The following MTA3 variants were observed in gnomAD, a reference collection of about 807,000 sequenced individuals.
The protein encoded by MTA3 is metastasis-associated protein MTA3.
A neutral mutation model predicts 83.5 loss-of-function variants in MTA3; 34 were observed. That is an observed-to-expected ratio of 0.41 (90% CI 0.31 to 0.54). MTA3 has a LOEUF of 0.54. MTA3 is among the 20% of genes least tolerant of loss of function. The pLI is 0.33. For synonymous variants in MTA3, 303 were observed against 252.7 expected, an observed-to-expected ratio of 1.20 and a Z score of -1.89; for missense variants, 761 against 726.4, an observed-to-expected ratio of 1.05 and a Z score of -0.55.
At chr2:42,745,555 T>G (rs1457793425) in intron 16 of MTA3, among the ~76,000 whole-genome samples, 1 of 152,142 alleles carries the variant, frequency 6.6e-6, no homozygotes, top group Non-Finnish European at 1.5e-5. Flanking sequence ...TAAAATTTAT[T>G]TTTACAGAGA....
intron 2 of MTA3, among the ~76,000 whole-genome samples, chr2:42,543,983 A>T (rs1676642180): frequency 6.6e-6 from 1 of 151,976 alleles, no homozygotes; most frequent in Non-Finnish European, 1.5e-5. Flanking sequence ...CACCATTTTA[A>T]AATCAACTCC....
chr2:42,734,759 AT>A (rs1171365114), intron 16 of MTA3, among the ~76,000 whole-genome samples: 3 of 152,148 alleles, frequency 2.0e-5, no homozygotes, highest in Non-Finnish European at 2.9e-5. Flanking sequence ...TGCAAAAAAT[AT>A]CTTATAACCT....
chr2:42,722,457 T>G (rs1667481672), intron 15 of MTA3, among the ~76,000 whole-genome samples: 1 of 152,286 alleles, frequency 6.6e-6, no homozygotes, highest in East Asian at 1.9e-4. Context: ...GAATCCCGTT[T>G]TTCAGAAAGT....
intron 4 of MTA3, among the ~76,000 whole-genome samples, chr2:42,618,358 G>A (rs1040907298): frequency 2.6e-5 from 4 of 152,152 alleles, no homozygotes; most frequent in African/African-American, 9.7e-5. Context: ...TTTTGTTACA[G>A]AATGCTAATC....
intron 16 of MTA3, among the ~76,000 whole-genome samples, chr2:42,737,170 G>T (rs1457962547): frequency 1.3e-5 from 2 of 152,194 alleles, no homozygotes; most frequent in Non-Finnish European, 1.5e-5. Flanking sequence ...AAGTCCATTG[G>T]CTCCAAGACC....
intron 2 of MTA3, among the ~76,000 whole-genome samples, chr2:42,533,926 G>A (rs1414518064): frequency 3.3e-5 from 5 of 151,300 alleles, no homozygotes; most frequent in Admixed American, 3.3e-4. Flanking sequence ...TACTTTTTCT[G>A]TTGTGGCTAC....
At chr2:42,563,104 C>T (rs1485624410) in intron 2 of MTA3, among the ~76,000 whole-genome samples, 3 of 152,182 alleles carry the variant, frequency 2.0e-5, no homozygotes, top group African/African-American at 7.2e-5. Flanking sequence ...CACCCCTTCT[C>T]ACCAACCTCC....
upstream of MTA3, among the ~76,000 whole-genome samples, chr2:42,563,776 A>ATTCATTCC (rs1176581774): frequency 3.5e-5 from 4 of 114,378 alleles, no homozygotes; most frequent in Non-Finnish European, 5.4e-5. Flanking sequence ...TGGACCAAAC[A>ATTCATTCC]TTCCTTCCTT....
chr2:42,697,780 G>A lies in MTA3; in HGVS notation c.971G>A (p.Arg324His), dbSNP rs1343331714. The A allele has an allele frequency of 1.7e-5, 26 of 1,539,928 alleles. No homozygotes were observed. The highest frequency in any genetic ancestry group is 2.1e-5 in the Admixed American group (1 of 48,046). The change falls in exon 11 of 17, where the codon CGT becomes CAT. Residue 324 changes from arginine (R) to histidine (H), a missense_variant. Arg to His is a conservative substitution (Grantham distance 29). Transcript: ENST00000405094. Reference protein sequence around the residue: ...KTTDRYVQQKRLKAAEAESKL... With the variant: ...KTTDRYVQQKHLKAAEAESKL... ...TTTATTCATCTTTTGAATTAGAAAC[G>A]TCTAAAAGCAGCAGAAGCTGAGAGT...
At chr2:42,530,736 G>A (rs1675927058) in intron 2 of MTA3, among the ~76,000 whole-genome samples, 1 of 151,944 alleles carries the variant, frequency 6.6e-6, no homozygotes. Context: ...GGTGAGCCGA[G>A]ATCACACCGT....
intron 6 of MTA3, among the ~76,000 whole-genome samples, chr2:42,647,168 CAAAA>C (rs751491238): frequency 7.0e-6 from 1 of 143,704 alleles, no homozygotes; most frequent in East Asian, 2.0e-4. Flanking sequence ...AAAAAAAAAA[CAAAA>C]AAGAAAGGAA....
chr2:42,754,297 C>G lies in MTA3; in HGVS notation c.*898C>G, dbSNP rs1670093320. 60 of 985,364 alleles carry G rather than the reference C, an allele frequency of 6.1e-5. No individual in the cohort carries two copies. The highest frequency in any genetic ancestry group is 7.0e-5 in the Non-Finnish European group (58 of 829,970). The allele number at this position is 985,364 out of a possible 1,614,324, so 61.0% of individuals were successfully genotyped here. A position where few individuals can be genotyped will look rare whatever the true frequency, so the allele number is the denominator to read the frequency against. On this transcript the variant is annotated 3_prime_UTR_variant, in exon 17 of 17. Coordinates refer to ENST00000405094, the MANE Select transcript of MTA3 (RefSeq NM_001330442.2). The stretch of plus-strand genomic sequence containing the variant: ...ATGACCTAGTTTCATTTTAAGCAGA[C>G]AGACTCTGTTTGGCCTAGAGGTGTG...
At chr2:42,682,866 T>C (rs1418436054) in intron 9 of MTA3, among the ~76,000 whole-genome samples, 1 of 151,946 alleles carries the variant, frequency 6.6e-6, no homozygotes, top group Non-Finnish European at 1.5e-5. Flanking sequence ...AGGTCAGGAG[T>C]TCGAGACCAG....
At chr2:42,743,305 A>C (rs1669173573) in intron 16 of MTA3, among the ~76,000 whole-genome samples, 1 of 152,246 alleles carries the variant, frequency 6.6e-6, no homozygotes, top group African/African-American at 2.4e-5. Context: ...AGTCTTTATC[A>C]GAAGGGGGCC....
intron 2 of MTA3, among the ~76,000 whole-genome samples, chr2:42,527,091 A>G (rs1427167591): frequency 1.4e-5 from 2 of 147,466 alleles, no homozygotes; most frequent in Non-Finnish European, 3.0e-5. Context: ...CCAAGCAGCC[A>G]TTTGCGGACT....
At chr2:42,562,232 A>G (rs1049544487) in intron 2 of MTA3, among the ~76,000 whole-genome samples, 1 of 151,968 alleles carries the variant, frequency 6.6e-6, no homozygotes, top group South Asian at 2.1e-4. Flanking sequence ...GCTTAATTAT[A>G]TCTGCAAACA....
Position 42,756,592 on chromosome 2 carries a change from C to T in MTA3, c.*3193C>T. ...GCTGCCCCGTGGGTGTTTGGAGATTCTGTTTTACTCTGCCTAGAGAGGAAA... is the reference window on the plus strand; with the variant it reads ...GCTGCCCCGTGGGTGTTTGGAGATTTTGTTTTACTCTGCCTAGAGAGGAAA... On this transcript the variant is annotated 3_prime_UTR_variant, in exon 17 of 17. Coordinates refer to ENST00000405094, the MANE Select transcript of MTA3 (RefSeq NM_001330442.2). The T allele has an allele frequency of 1.0e-6, 1 of 985,628 alleles. No individual in the cohort carries two copies. The highest frequency in any genetic ancestry group is 1.2e-6 in the Non-Finnish European group (1 of 830,066). The allele number at this position is 985,628 out of a possible 1,614,324, so 61.1% of individuals were successfully genotyped here.
At chr2:42,600,428 G>A (rs1299307875) in intron 3 of MTA3, among the ~76,000 whole-genome samples, 2 of 151,544 alleles carry the variant, frequency 1.3e-5, no homozygotes, top group Non-Finnish European at 2.9e-5. Context: ...TCTGACTTTT[G>A]GTTTCCAAAC....
chr2:42,609,688 T>G (rs1683945325), intron 4 of MTA3, 104 bp downstream of exon 4: 2 of 1,303,914 alleles, frequency 1.5e-6, no homozygotes, highest in African/African-American at 2.9e-5. Context: ...TTGCTTAAAC[T>G]ACTTTGCTAA....
Sources: allele counts gnomAD v4.1 joint callset (sites outside exome capture counted in the v4.1 genomes callset), GRCh38; gene constraint gnomAD v4.1.1; transcripts MANE v1.5; gene names NCBI Gene and HGNC (gene_info 2026-07-23, HGNC 2026-07-21).